The following ROBO1 variants were observed in gnomAD, a reference collection of about 807,000 sequenced individuals.
ROBO1 encodes the protein roundabout homolog 1.
ROBO1 carries 149 observed loss-of-function variants against 195.9 expected under a neutral mutation model. The ratio of observed to expected loss-of-function variants is 0.76; its 90% CI spans 0.67 to 0.87. ROBO1 has a LOEUF of 0.87. ROBO1 is among the 40% of genes least tolerant of loss of function. The pLI is 0.00. For synonymous variants in ROBO1, 816 were observed against 733.2 expected, an observed-to-expected ratio of 1.11 and a Z score of -1.82; for missense variants, 1,933 against 2,068.3, an observed-to-expected ratio of 0.93 and a Z score of 1.27.
intron 1 of ROBO1, among the ~76,000 whole-genome samples, chr3:79,623,161 A>T (rs1225424232): frequency 6.6e-6 from 1 of 152,068 alleles, no homozygotes; most frequent in East Asian, 1.9e-4. Context: ...CAACAACAAC[A>T]ACAAAACCTT....
intron 2 of ROBO1, among the ~76,000 whole-genome samples, chr3:79,559,433 AGAT>A (rs1942827074): frequency 6.6e-6 from 1 of 152,222 alleles, no homozygotes; most frequent in Non-Finnish European, 1.5e-5. Context: ...GGAAAAAAGA[AGAT>A]GAAGTTAAAT....
At chr3:78,853,476 T>TGC (rs397726353) in intron 4 of ROBO1, among the ~76,000 whole-genome samples, 2 of 122,762 alleles carry the variant, frequency 1.6e-5, no homozygotes, top group Non-Finnish European at 3.6e-5. Flanking sequence ...TGTGTGTGTG[T>TGC]ATGTATGTAT....
chr3:79,350,042 C>A (rs2035278445), intron 2 of ROBO1, among the ~76,000 whole-genome samples: 1 of 152,060 alleles, frequency 6.6e-6, no homozygotes. Context: ...AATGATATAT[C>A]TGATAAAGGA....
At chr3:79,427,726 C>T (rs575166821) in intron 2 of ROBO1, among the ~76,000 whole-genome samples, 1 of 152,134 alleles carries the variant, frequency 6.6e-6, no homozygotes, top group Admixed American at 6.6e-5. Flanking sequence ...GTTGGGAAAA[C>T]TGGATTTCCG....
chr3:78,902,328 T>C (rs1248846766), intron 4 of ROBO1, among the ~76,000 whole-genome samples: 2 of 152,186 alleles, frequency 1.3e-5, no homozygotes, highest in Non-Finnish European at 2.9e-5. Context: ...AGGATTCTCT[T>C]ATCATATTGC....
At chr3:78,781,392 T>A (rs1337821352) in intron 4 of ROBO1, among the ~76,000 whole-genome samples, 2 of 152,210 alleles carry the variant, frequency 1.3e-5, no homozygotes, top group African/African-American at 4.8e-5. Flanking sequence ...GCACAAACTC[T>A]AACCCCAAGT....
intron 9 of ROBO1, 28 bp downstream of exon 9, chr3:78,688,620 A>C: frequency 6.7e-7 from 1 of 1,502,522 alleles, no homozygotes. Context: ...TGCTGATTTA[A>C]AAAAAAAAAG....
At chr3:78,771,700 G>A (rs2083379976) in intron 4 of ROBO1, among the ~76,000 whole-genome samples, 1 of 152,070 alleles carries the variant, frequency 6.6e-6, no homozygotes, top group African/African-American at 2.4e-5. Flanking sequence ...CACTCAGCTT[G>A]AATGTTATTG....
chr3:79,694,832 A>C (rs768328584), intron 1 of ROBO1, among the ~76,000 whole-genome samples: 15 of 151,816 alleles, frequency 9.9e-5, no homozygotes, highest in Non-Finnish European at 1.3e-4. Context: ...AAAAATGCAA[A>C]ATTCTTTATC....
intron 3 of ROBO1, among the ~76,000 whole-genome samples, chr3:79,034,356 C>A (rs918759252): frequency 1.3e-5 from 2 of 152,114 alleles, no homozygotes; most frequent in African/African-American, 4.8e-5. Context: ...CACATTTACA[C>A]AGGATGGCCT....
At chr3:79,400,832 T>C (rs2037343608) in intron 2 of ROBO1, among the ~76,000 whole-genome samples, 2 of 151,960 alleles carry the variant, frequency 1.3e-5, no homozygotes, top group Non-Finnish European at 2.9e-5. Context: ...ACGTCAATAA[T>C]TTAGTAAAAA....
chr3:79,376,416 G>A (rs947053477), intron 2 of ROBO1, among the ~76,000 whole-genome samples: 3 of 152,012 alleles, frequency 2.0e-5, no homozygotes, highest in Admixed American at 1.3e-4. Flanking sequence ...GAAAATACAC[G>A]ATGGGTAGTG....
chr3:79,721,217 T>A (rs1436758988), intron 1 of ROBO1, among the ~76,000 whole-genome samples: 1 of 152,210 alleles, frequency 6.6e-6, no homozygotes, highest in Non-Finnish European at 1.5e-5. Flanking sequence ...AGAACCCCTG[T>A]GCCAAATCAT....
At chr3:79,635,894 G>T (rs182204943) in intron 1 of ROBO1, among the ~76,000 whole-genome samples, 2 of 152,188 alleles carry the variant, frequency 1.3e-5, no homozygotes, top group Admixed American at 6.6e-5. Flanking sequence ...TGTTAATTGA[G>T]ATACAATACA....
At chr3:79,613,298 A>G (rs1239919265) in intron 1 of ROBO1, among the ~76,000 whole-genome samples, 4 of 152,090 alleles carry the variant, frequency 2.6e-5, no homozygotes, top group African/African-American at 9.7e-5. Flanking sequence ...ATTATTATGC[A>G]TAATGAAAAG....
intron 26 of ROBO1, among the ~76,000 whole-genome samples, chr3:78,620,203 G>A (rs1045418858): frequency 4.6e-5 from 7 of 152,038 alleles, no homozygotes; most frequent in African/African-American, 1.7e-4. Flanking sequence ...CAGTTTTTAG[G>A]GTGGCATGGG....
intron 1 of ROBO1, among the ~76,000 whole-genome samples, chr3:79,597,365 A>G (rs555867475): frequency 6.6e-6 from 1 of 152,168 alleles, no homozygotes; most frequent in East Asian, 1.9e-4. Flanking sequence ...AACTGGACAA[A>G]TTACTACCAA....
At chr3:78,960,292 T>C (rs1261036452) in intron 3 of ROBO1, among the ~76,000 whole-genome samples, 1 of 151,294 alleles carries the variant, frequency 6.6e-6, no homozygotes, top group African/African-American at 2.4e-5. Context: ...AGAGGTAATA[T>C]TAATATGTAA....
intron 2 of ROBO1, among the ~76,000 whole-genome samples, chr3:79,245,663 A>C (rs531813589): frequency 1.3e-5 from 2 of 152,172 alleles, no homozygotes; most frequent in South Asian, 4.2e-4. Context: ...GGAAAAGGCA[A>C]AGTTACATTG....
Sources: allele counts gnomAD v4.1 joint callset (sites outside exome capture counted in the v4.1 genomes callset), GRCh38; gene constraint gnomAD v4.1.1; transcripts MANE v1.5; gene names NCBI Gene and HGNC (gene_info 2026-07-23, HGNC 2026-07-21).